EHBP1: variants seen among roughly 807,000 people sequenced by gnomAD.
EHBP1 encodes the protein EH domain-binding protein 1.
A neutral mutation model predicts 144.0 loss-of-function variants in EHBP1; 55 were observed. The observed-to-expected ratio is 0.38, with a 90% confidence interval of 0.31 to 0.48. The LOEUF (loss-of-function observed/expected upper bound fraction) is 0.48. Ranked by LOEUF, EHBP1 falls within the 20% of genes least tolerant of loss-of-function variation. The probability of loss-of-function intolerance (pLI) is 0.98; values close to 1 mark genes in which losing one functional copy is unlikely to be tolerated. For missense variants in EHBP1, 1,200 were observed against 1,364.2 expected, an observed-to-expected ratio of 0.88 and a Z score of 1.90; for synonymous variants, 469 against 472.7, an observed-to-expected ratio of 0.99 and a Z score of 0.10.
intron 2 of EHBP1, among the ~76,000 whole-genome samples, chr2:62,718,952 GA>G (rs987717101): frequency 8.6e-5 from 13 of 151,528 alleles, no homozygotes; most frequent in African/African-American, 2.9e-4. Context: ...AGTGTTGAGA[GA>G]TAGCTATTCT....
intron 10 of EHBP1, among the ~76,000 whole-genome samples, chr2:62,927,778 A>C (rs1439547263): frequency 6.6e-6 from 1 of 152,230 alleles, no homozygotes; most frequent in Non-Finnish European, 1.5e-5. Flanking sequence ...ACAAACATAC[A>C]AAAAACTGCG....
At chr2:62,947,735 T>A (rs2057144759) in intron 12 of EHBP1, among the ~76,000 whole-genome samples, 1 of 152,206 alleles carries the variant, frequency 6.6e-6, no homozygotes, top group Non-Finnish European at 1.5e-5. Flanking sequence ...ATGAATGAAT[T>A]AAATGAAGTC....
At chr2:62,803,448 A>G (rs1328985362) in intron 5 of EHBP1, among the ~76,000 whole-genome samples, 4 of 152,192 alleles carry the variant, frequency 2.6e-5, no homozygotes, top group South Asian at 2.1e-4. Flanking sequence ...GATGCTAGCT[A>G]TTACCACATT....
intron 10 of EHBP1, among the ~76,000 whole-genome samples, chr2:62,878,097 G>A (rs181756963): frequency 6.6e-6 from 1 of 152,166 alleles, no homozygotes; most frequent in Non-Finnish European, 1.5e-5. Context: ...CGTTAGGCTA[G>A]TAAAAGAGAA....
intron 10 of EHBP1, among the ~76,000 whole-genome samples, chr2:62,882,674 G>A (rs572428594): frequency 6.6e-6 from 1 of 152,324 alleles, no homozygotes; most frequent in South Asian, 2.1e-4. Context: ...CCTGAGGTCA[G>A]GAGTTTGAGA....
chr2:62,805,057 A>G (rs1357856876), intron 5 of EHBP1, among the ~76,000 whole-genome samples: 4 of 152,230 alleles, frequency 2.6e-5, no homozygotes, highest in Admixed American at 6.5e-5. Flanking sequence ...TGGTAGTCAT[A>G]TAAAAAAGTT....
intron 9 of EHBP1, chr2:62,872,024 T>C (rs2050529852): frequency 1.3e-5 from 2 of 152,198 alleles, no homozygotes; most frequent in African/African-American, 4.8e-5. Context: ...TTTCATTGAA[T>C]TTTATTCAGG....
At position 63,037,651 on chromosome 2, in the gene EHBP1, A is replaced by G. The variant is rs2061493422; in HGVS notation, c.3203+17A>G. The G allele has an allele frequency of 6.9e-7, 1 of 1,459,412 alleles. No individual in the cohort carries two copies. Among genetic ancestry groups the G allele is most frequent in the Non-Finnish European group, 9.4e-7 (1 of 1,063,108 alleles). 90.4% of individuals were successfully genotyped at this position (1,459,412 alleles called of 1,614,324 possible). A position where few individuals can be genotyped will look rare whatever the true frequency, so the allele number is the denominator to read the frequency against. On this transcript the variant is annotated intron_variant, in intron 20 of 22. Transcript: ENST00000431489. ...CTCTCTTCTGTAAGTACTCATCATT[A>G]TGCTTGTTTTGCCTACAACATTGAT...
intron 6 of EHBP1, among the ~76,000 whole-genome samples, chr2:62,829,611 T>TATAATACTACTATATATAATAC (rs2046643379): frequency 6.8e-6 from 1 of 147,064 alleles, no homozygotes; most frequent in East Asian, 1.9e-4. Context: ...ATATATTATA[T>TATAATACTACTATATATAATAC]ATAATACTAC....
intron 14 of EHBP1, among the ~76,000 whole-genome samples, chr2:62,966,789 GTTA>G (rs2058266827): frequency 6.6e-6 from 1 of 152,056 alleles, no homozygotes. Flanking sequence ...TAATTAAACA[GTTA>G]TTATAAAAAG....
chr2:62,942,930 G>T (rs2056845585), intron 11 of EHBP1, 34 bp downstream of exon 11: 2 of 1,420,460 alleles, frequency 1.4e-6, no homozygotes, highest in Non-Finnish European at 1.9e-6. Context: ...CCTATATTTT[G>T]TAAGTGATAG....
At chr2:62,761,339 A>G (rs1452243394) in intron 3 of EHBP1, among the ~76,000 whole-genome samples, 2 of 152,194 alleles carry the variant, frequency 1.3e-5, no homozygotes, top group African/African-American at 4.8e-5. Flanking sequence ...CTCTGTTTCC[A>G]TCTCTGTACC....
Position 62,990,750 on chromosome 2 carries a change from G to A in EHBP1, c.2643G>A (p.Lys881=). The part of the protein sequence containing the change: ...QNSKLVDLKL[K]KLLEVQPQVA... ...GTAAGTTGGTGGACTTGAAGCTGAA[G>A]AAGCTCCTAGAAGTTCAGCCACAGG... The change falls in exon 16 of 23, where the codon AAG becomes AAA. Residue 881 remains lysine (K), a synonymous_variant. Coordinates refer to ENST00000431489, the MANE Select transcript of EHBP1 (RefSeq NM_001142616.3). 1 of 1,613,840 alleles carries A rather than the reference G, an allele frequency of 6.2e-7. No individual in the cohort carries two copies. Among genetic ancestry groups the A allele is most frequent in the Non-Finnish European group, 8.5e-7 (1 of 1,179,840 alleles).
chr2:62,880,920 A>C (rs1268852110), intron 10 of EHBP1, among the ~76,000 whole-genome samples: 2 of 152,152 alleles, frequency 1.3e-5, no homozygotes, highest in African/African-American at 4.8e-5. Flanking sequence ...TACCAAGTAT[A>C]TACCCAAACA....
chr2:62,963,953 A>G (rs1479670023), intron 14 of EHBP1, among the ~76,000 whole-genome samples: 1 of 151,710 alleles, frequency 6.6e-6, no homozygotes, highest in Non-Finnish European at 1.5e-5. Flanking sequence ...ATCTTTTTAT[A>G]GTTGCGTTTT....
At position 62,844,083 on chromosome 2, in the gene EHBP1, T is replaced by G. The variant is rs551334382; in HGVS notation, c.634+12925T>G. 1.1e-4 allele frequency among the ~76,000 whole-genome samples: 16 copies of G among 152,368 alleles called. No individual in the cohort carries two copies. In the South Asian group the frequency reaches 3.3e-3, roughly 32 times the overall value. On this transcript the variant is annotated intron_variant, in intron 7 of 22. Coordinates refer to ENST00000431489, the MANE Select transcript of EHBP1 (RefSeq NM_001142616.3). ...TTTCTCCAACAAAGCTCAGAATTTC[T>G]TGAGGGAACAGACTGTTAACAATTG...
At chr2:62,851,142 G>A (rs1424506649) in intron 7 of EHBP1, among the ~76,000 whole-genome samples, 1 of 152,122 alleles carries the variant, frequency 6.6e-6, no homozygotes, top group Non-Finnish European at 1.5e-5. Context: ...GCTTTGTCTT[G>A]CTTCCTATCC....
At chr2:62,757,426 C>CTTTTTTTTTTTTTT (rs555494268) in intron 3 of EHBP1, among the ~76,000 whole-genome samples, 25 of 113,030 alleles carry the variant, frequency 2.2e-4, no homozygotes, top group East Asian at 2.5e-4. Flanking sequence ...TTTTTTTTTT[C>CTTTTTTTTTTTTTT]TTTTTTTTTT....
chr2:62,831,468 G>C (rs1427402740), intron 7 of EHBP1, among the ~76,000 whole-genome samples: 13 of 152,146 alleles, frequency 8.5e-5, no homozygotes, highest in African/African-American at 3.1e-4. Flanking sequence ...TGTAAGTAAA[G>C]ATCTGCCTGT....
Sources: allele counts gnomAD v4.1 joint callset (sites outside exome capture counted in the v4.1 genomes callset), GRCh38; gene constraint gnomAD v4.1.1; transcripts MANE v1.5; gene names NCBI Gene and HGNC (gene_info 2026-07-23, HGNC 2026-07-21).